SPPL3: variants seen among roughly 807,000 people sequenced by gnomAD.
The protein encoded by SPPL3 is signal peptide peptidase-like 3.
A neutral mutation model predicts 42.4 loss-of-function variants in SPPL3; 5 were observed. The ratio of observed to expected loss-of-function variants is 0.12; its 90% CI spans 0.06 to 0.25. The LOEUF (loss-of-function observed/expected upper bound fraction) is 0.25. Among genes scored for constraint, SPPL3 ranks in the 10% least tolerant of loss-of-function variants. The pLI, the probability that SPPL3 is intolerant of heterozygous loss-of-function variation, is 1.00. For missense variants in SPPL3, 235 were observed against 489.0 expected (o/e 0.48, Z 4.90); for synonymous variants, 195 against 181.8 (o/e 1.07, Z -0.58).
chr12:120,808,373 G>A (rs1870573593), intron 2 of SPPL3, among the ~76,000 whole-genome samples: 1 of 152,130 alleles, frequency 6.6e-6, no homozygotes, highest in Non-Finnish European at 1.5e-5. Context: ...ACCATGCCTG[G>A]CCAGTTTCCT....
chr12:120,861,405 T>C (rs148979827), intron 1 of SPPL3, among the ~76,000 whole-genome samples: 58 of 152,282 alleles, frequency 3.8e-4, no homozygotes, highest in Middle Eastern at 6.8e-3. Context: ...AAAGGACAGA[T>C]CCTTGAAAAG....
chr12:120,784,742 C>T, intron 3 of SPPL3, 149 bp from the exon 4 acceptor site: 1 of 531,268 alleles, frequency 1.9e-6, no homozygotes, highest in Non-Finnish European at 3.3e-6. Flanking sequence ...GTCTTTCTTT[C>T]CCAACGAGAT....
intron 1 of SPPL3, among the ~76,000 whole-genome samples, chr12:120,870,184 G>A (rs1012334981): frequency 6.6e-6 from 1 of 152,196 alleles, no homozygotes; most frequent in African/African-American, 2.4e-5. Context: ...AGTGGCTCAT[G>A]CCTGTAATCC....
chr12:120,775,675 T>TAC (rs1180106592), intron 6 of SPPL3, among the ~76,000 whole-genome samples: 1 of 152,198 alleles, frequency 6.6e-6, no homozygotes, highest in Non-Finnish European at 1.5e-5. Context: ...TTAGCTAACA[T>TAC]ACCATCACCC....
chr12:120,894,246 C>T (rs577888911), intron 1 of SPPL3, among the ~76,000 whole-genome samples: 2 of 152,290 alleles, frequency 1.3e-5, no homozygotes, highest in Non-Finnish European at 2.9e-5. Flanking sequence ...ATCACTTGAA[C>T]CCGGGAGGCA....
rs534771630 is a variant in SPPL3, at chr12:120,903,704, G to A, written c.23+141C>T. The A allele has an allele frequency of 1.2e-4, 84 of 721,442 alleles. 2 individuals carry two copies. In the South Asian group the frequency reaches 2.0e-3, roughly 17 times the overall value. The allele number at this position is 721,442 out of a possible 1,614,324, so 44.7% of individuals were successfully genotyped here. A position where few individuals can be genotyped will look rare whatever the true frequency, so the allele number is the denominator to read the frequency against. On this transcript the variant is annotated intron_variant, in intron 1 of 10. Transcript: ENST00000353487. The stretch of plus-strand genomic sequence containing the variant: ...CGCGCCAGCCGCCCCCTCCGGTGGG[G>A]AAGAGGGGGGCGTGCACCCCAACCC...
chr12:120,880,838 C>A (rs984299308), intron 1 of SPPL3, among the ~76,000 whole-genome samples: 2 of 151,464 alleles, frequency 1.3e-5, no homozygotes, highest in African/African-American at 4.9e-5. Context: ...GGATTGATAT[C>A]CAGAATATAC....
chr12:120,777,330 A>G (rs1305702864), intron 6 of SPPL3, among the ~76,000 whole-genome samples: 1 of 152,240 alleles, frequency 6.6e-6, no homozygotes, highest in Non-Finnish European at 1.5e-5. Flanking sequence ...CTGTGCCCCA[A>G]TAATTATCAT....
Position 120,843,964 on chromosome 12 carries a change from AAT to A in SPPL3, c.24-33080_24-33079del, listed in dbSNP as rs1871928584. Reference sequence around the variant, plus strand: ...CAGAGCGAGATTCCTCCCAAAAATAAATATAACATAACATAACATAAAACAAA... The same window carrying A: ...CAGAGCGAGATTCCTCCCAAAAATAAATAACATAACATAACATAAAACAAA... On this transcript the variant is annotated intron_variant, in intron 1 of 10. Coordinates refer to ENST00000353487, the MANE Select transcript of SPPL3 (RefSeq NM_139015.5). Among the ~76,000 whole-genome samples the A allele has an allele frequency of 2.0e-5, 3 of 151,890 alleles. No individual in the cohort carries two copies. In the South Asian group the frequency reaches 6.3e-4, roughly 32 times the overall value.
intron 1 of SPPL3, among the ~76,000 whole-genome samples, chr12:120,899,320 A>C (rs946063855): frequency 2.0e-5 from 3 of 152,188 alleles, no homozygotes; most frequent in African/African-American, 4.8e-5. Flanking sequence ...CTCTTTGATA[A>C]GTACTTGGGT....
At chr12:120,850,711 C>T (rs938531232) in intron 1 of SPPL3, among the ~76,000 whole-genome samples, 8 of 152,140 alleles carry the variant, frequency 5.3e-5, no homozygotes, top group African/African-American at 1.7e-4. Context: ...CTCATAGTTG[C>T]GGAGGTCATG....
chr12:120,822,271 T>C (rs1871094947), intron 1 of SPPL3, among the ~76,000 whole-genome samples: 1 of 152,254 alleles, frequency 6.6e-6, no homozygotes, highest in African/African-American at 2.4e-5. Flanking sequence ...ATGTTATGTA[T>C]ATTTTACAAT....
intron 1 of SPPL3, among the ~76,000 whole-genome samples, chr12:120,858,676 TAG>T (rs1872538078): frequency 6.6e-6 from 1 of 152,028 alleles, no homozygotes; most frequent in Non-Finnish European, 1.5e-5. Context: ...ATAAAAAGAT[TAG>T]AGAGCGGCAA....
chr12:120,779,285 C>T (rs897446645), intron 6 of SPPL3, among the ~76,000 whole-genome samples: 2 of 152,166 alleles, frequency 1.3e-5, no homozygotes, highest in Non-Finnish European at 2.9e-5. Flanking sequence ...TGAACATCAA[C>T]CCCAACACCT....
rs896158713 is a variant in SPPL3, at chr12:120,779,615, G to A, written c.502+3040C>T. Reference sequence around the variant, plus strand: ...TTAAAGAATTTTACTTTGTGGGGCAGAGCAGTTAGATAAAAATTTTTTGAG... The same window carrying A: ...TTAAAGAATTTTACTTTGTGGGGCAAAGCAGTTAGATAAAAATTTTTTGAG... On this transcript the variant is annotated intron_variant, in intron 6 of 10. Coordinates refer to ENST00000353487, the MANE Select transcript of SPPL3 (RefSeq NM_139015.5). Among the ~76,000 whole-genome samples the A allele has an allele frequency of 9.9e-5, 15 of 152,208 alleles. No individual in the cohort carries two copies. In the East Asian group the frequency reaches 2.9e-3, roughly 29 times the overall value.
chr12:120,873,243 C>T (rs998931119), intron 1 of SPPL3, among the ~76,000 whole-genome samples: 14 of 152,174 alleles, frequency 9.2e-5, no homozygotes, highest in African/African-American at 3.1e-4. Context: ...AACTTGAAGA[C>T]ACAGCAGTAA....
At chr12:120,847,414 T>G (rs1370378395) in intron 1 of SPPL3, among the ~76,000 whole-genome samples, 1 of 152,120 alleles carries the variant, frequency 6.6e-6, no homozygotes, top group Non-Finnish European at 1.5e-5. Flanking sequence ...AGCCTCAGCC[T>G]CCCAAGTAGC....
At chr12:120,892,697 T>G (rs1873678854) in intron 1 of SPPL3, among the ~76,000 whole-genome samples, 1 of 152,022 alleles carries the variant, frequency 6.6e-6, no homozygotes, top group Middle Eastern at 3.2e-3. Flanking sequence ...AACCCAAAAT[T>G]AGAGGCCAGG....
chr12:120,791,366 A>G (rs563668521), intron 3 of SPPL3, 103 bp downstream of exon 3: 1 of 714,164 alleles, frequency 1.4e-6, no homozygotes, highest in African/African-American at 1.8e-5. Context: ...TTTTTATACC[A>G]ATCATAAATC....
Sources: gnomAD v4.1 joint callset for allele counts (sites outside exome capture counted in the v4.1 genomes callset) on GRCh38, gnomAD v4.1.1 for gene constraint, MANE v1.5 for transcripts, NCBI Gene and HGNC (gene_info 2026-07-23, HGNC 2026-07-21) for gene names.